Variants in LMBRD1 observed in about 807,000 individuals in gnomAD.
The protein encoded by LMBRD1 is lysosomal cobalamin transport escort protein LMBD1.
A neutral mutation model predicts 74.8 loss-of-function variants in LMBRD1; 64 were observed. The observed-to-expected ratio is 0.86, with a 90% CI of 0.70 to 1.05. The LOEUF is 1.05. Among genes scored for constraint, LMBRD1 ranks in the 50% least tolerant of loss-of-function variants. The pLI, the probability that LMBRD1 is intolerant of heterozygous loss-of-function variation, is 0.00. For synonymous variants in LMBRD1, 204 were observed against 216.3 expected (o/e 0.94, Z 0.50); for missense variants, 652 against 645.9 (o/e 1.01, Z -0.10).
chr6:69,735,698 T>C (rs747051294), intron 7 of LMBRD1, among the ~76,000 whole-genome samples: 6 of 152,208 alleles, frequency 3.9e-5, no homozygotes, highest in Non-Finnish European at 8.8e-5. Context: ...GCTACCCTCA[T>C]AGCTTATTTA....
intron 3 of LMBRD1, among the ~76,000 whole-genome samples, chr6:69,775,933 C>G (rs1483729521): frequency 6.6e-6 from 1 of 152,178 alleles, no homozygotes; most frequent in African/African-American, 2.4e-5. Flanking sequence ...CAGTATTTGT[C>G]ACCAATGATA....
At chr6:69,742,058 A>G (rs1009417284) in intron 5 of LMBRD1, among the ~76,000 whole-genome samples, 181 bp from the exon 6 acceptor site, 3 of 152,180 alleles carry the variant, frequency 2.0e-5, no homozygotes, top group African/African-American at 7.2e-5. Context: ...TAGTTGTATT[A>G]CTGCATTCAG....
chr6:69,722,060 C>T (rs1766627678), intron 7 of LMBRD1, among the ~76,000 whole-genome samples: 1 of 152,128 alleles, frequency 6.6e-6, no homozygotes, highest in South Asian at 2.1e-4. Flanking sequence ...AGGTAAACTG[C>T]TAAGGTTTTT....
At chr6:69,727,731 T>C (rs556646602) in intron 7 of LMBRD1, among the ~76,000 whole-genome samples, 1 of 152,088 alleles carries the variant, frequency 6.6e-6, no homozygotes, top group Non-Finnish European at 1.5e-5. Flanking sequence ...ATTTTTAATA[T>C]TAAATTATAT....
At chr6:69,743,336 G>A (rs145336511) in intron 5 of LMBRD1, among the ~76,000 whole-genome samples, 2 of 152,194 alleles carry the variant, frequency 1.3e-5, no homozygotes, top group East Asian at 1.9e-4. Context: ...CATCTCATAG[G>A]GTTTAATACG....
chr6:69,774,419 G>T (rs1765643175), intron 3 of LMBRD1, among the ~76,000 whole-genome samples: 1 of 152,136 alleles, frequency 6.6e-6, no homozygotes, highest in Admixed American at 6.5e-5. Flanking sequence ...AGTTACAGAA[G>T]AACTGAACAA....
At chr6:69,722,260 C>T (rs1766632557) in intron 7 of LMBRD1, among the ~76,000 whole-genome samples, 1 of 152,090 alleles carries the variant, frequency 6.6e-6, no homozygotes, top group Admixed American at 6.5e-5. Flanking sequence ...ACTTCATTAA[C>T]ACCAGACCTG....
chr6:69,718,739 A>C (rs1381598836), intron 8 of LMBRD1, among the ~76,000 whole-genome samples: 4 of 152,044 alleles, frequency 2.6e-5, no homozygotes, highest in Non-Finnish European at 4.4e-5. Context: ...TGACTCAATT[A>C]CCTCCCACTG....
chr6:69,794,372 T>C (rs982275765), intron 1 of LMBRD1, among the ~76,000 whole-genome samples: 2 of 152,244 alleles, frequency 1.3e-5, no homozygotes, highest in African/African-American at 4.8e-5. Context: ...TGACTCTTTT[T>C]AATACTTTGT....
Position 69,704,063 on chromosome 6 carries a change from A to G in LMBRD1, c.916-2110T>C, listed in dbSNP as rs577855622. ...TGTTGAGTCCTTCTCAATACATCAT[A>G]TCAAGTGGCACAGTCATGTCTATTT... is the stretch of plus-strand genomic sequence containing the variant. On this transcript the variant is annotated intron_variant, in intron 9 of 15. Transcript: ENST00000649934. Among the ~76,000 whole-genome samples the G allele has an allele frequency of 4.6e-5, 7 of 152,162 alleles. No homozygotes were observed. In the East Asian group the frequency reaches 1.4e-3, roughly 29 times the overall value.
chr6:69,682,874 G>A (rs1765691991), intron 14 of LMBRD1, among the ~76,000 whole-genome samples: 1 of 151,916 alleles, frequency 6.6e-6, no homozygotes, highest in Non-Finnish European at 1.5e-5. Context: ...GGTATATGGT[G>A]CTAGATCAAA....
chr6:69,736,191 A>AC (rs954850410), intron 7 of LMBRD1, among the ~76,000 whole-genome samples: 22 of 150,882 alleles, frequency 1.5e-4, no homozygotes, highest in South Asian at 4.2e-4. Flanking sequence ...GAGCTAATTG[A>AC]CCCCCCCTCC....
intron 3 of LMBRD1, among the ~76,000 whole-genome samples, chr6:69,777,454 AAAAAAAGAGG>A (rs1765729769): frequency 6.6e-6 from 1 of 151,594 alleles, no homozygotes; most frequent in Non-Finnish European, 1.5e-5. Flanking sequence ...CAAAAAAAAA[AAAAAAAGAGG>A]CCCCAGATGA....
intron 9 of LMBRD1, chr6:69,705,841 C>T (rs1766242494): frequency 2.3e-6 from 3 of 1,318,848 alleles, no homozygotes; most frequent in Admixed American, 1.7e-5. Context: ...ATGCACTGGC[C>T]CTGAACCACA....
chr6:69,705,687 G>T, intron 9 of LMBRD1: 1 of 928,644 alleles, frequency 1.1e-6, no homozygotes, highest in Non-Finnish European at 1.7e-6. Flanking sequence ...TTCATCAGTA[G>T]CAAGTTTTAC....
At chr6:69,679,127 C>G (rs1361405086) in intron 14 of LMBRD1, among the ~76,000 whole-genome samples, 1 of 151,858 alleles carries the variant, frequency 6.6e-6, no homozygotes, top group Non-Finnish European at 1.5e-5. Flanking sequence ...GGAGCAAGGA[C>G]TACCAATCTA....
At position 69,701,559 on chromosome 6, in the gene LMBRD1, C is replaced by G; in HGVS notation, c.981-14G>C. The G allele has an allele frequency of 6.7e-7, 1 of 1,486,786 alleles. No individual in the cohort carries two copies. The highest frequency in any genetic ancestry group is 9.3e-7 in the Non-Finnish European group (1 of 1,071,882). The allele number at this position is 1,486,786 out of a possible 1,614,324, so 92.1% of individuals were successfully genotyped here. A position where few individuals can be genotyped will look rare whatever the true frequency, so the allele number is the denominator to read the frequency against. On this transcript the variant is annotated splice_polypyrimidine_tract_variant and intron_variant, in intron 10 of 15. Coordinates refer to ENST00000649934, the MANE Select transcript of LMBRD1 (RefSeq NM_018368.4). ...GCTTTATCTAAACTAAAAAAAATTACAAAGAATGAAATTTATGTTATACTA... is the reference window on the plus strand; with the variant it reads ...GCTTTATCTAAACTAAAAAAAATTAGAAAGAATGAAATTTATGTTATACTA...
At chr6:69,694,239 G>C (rs1765948288) in intron 14 of LMBRD1, among the ~76,000 whole-genome samples, 1 of 152,030 alleles carries the variant, frequency 6.6e-6, no homozygotes, top group Non-Finnish European at 1.5e-5. Context: ...ACTACAATTT[G>C]TTTTTGTTTT....
chr6:69,690,639 G>C (rs1015072203), intron 14 of LMBRD1, among the ~76,000 whole-genome samples: 1 of 152,038 alleles, frequency 6.6e-6, no homozygotes, highest in African/African-American at 2.4e-5. Context: ...TTTTAGTTAT[G>C]TAATACAATT....
Sources: gnomAD v4.1 joint callset for allele counts (sites outside exome capture counted in the v4.1 genomes callset) on GRCh38, gnomAD v4.1.1 for gene constraint, MANE v1.5 for transcripts, NCBI Gene and HGNC (gene_info 2026-07-23, HGNC 2026-07-21) for gene names.